Variants in SORCS2 observed in about 807,000 individuals in gnomAD.
SORCS2 encodes VPS10 domain-containing receptor SorCS2.
A neutral mutation model predicts 141.6 loss-of-function variants in SORCS2; 100 were observed. That is an observed-to-expected ratio of 0.71 (90% CI 0.60 to 0.83). The LOEUF (loss-of-function observed/expected upper bound fraction) is 0.83. Among genes scored for constraint, SORCS2 ranks in the 40% least tolerant of loss-of-function variants. The pLI is 0.00. For synonymous variants in SORCS2, 789 were observed against 676.9 expected (o/e 1.17, Z -2.57); for missense variants, 1,646 against 1,560.2 (o/e 1.05, Z -0.93).
chr4:7,523,893 C>A (rs1733499540), intron 2 of SORCS2, among the ~76,000 whole-genome samples: 1 of 152,218 alleles, frequency 6.6e-6, no homozygotes, highest in African/African-American at 2.4e-5. Flanking sequence ...GGCCCCCTCC[C>A]TCCTTGGGCC....
At chr4:7,334,256 T>C (rs1004674629) in intron 1 of SORCS2, among the ~76,000 whole-genome samples, 1 of 152,066 alleles carries the variant, frequency 6.6e-6, no homozygotes, top group Non-Finnish European at 1.5e-5. Context: ...CTGGCCCTGC[T>C]CTCAGCCCCT....
intron 1 of SORCS2, among the ~76,000 whole-genome samples, chr4:7,261,475 T>C (rs1714317613): frequency 6.6e-6 from 1 of 152,228 alleles, no homozygotes; most frequent in Admixed American, 6.5e-5. Flanking sequence ...GCCATGGACA[T>C]TTATTTCTCT....
At chr4:7,724,462 GTGGTGA>G (rs1310957507) in intron 19 of SORCS2, among the ~76,000 whole-genome samples, 44 of 100,610 alleles carry the variant, frequency 4.4e-4, no homozygotes, top group African/African-American at 1.9e-3. Context: ...GGTGATGGTG[GTGGTGA>G]TGGTGATGGT....
chr4:7,693,718 C>T (rs115356406), intron 11 of SORCS2, among the ~76,000 whole-genome samples: 4,330 of 152,370 alleles, frequency 0.028, 101 homozygotes, highest in Middle Eastern at 0.058. Context: ...CACAGCCTGC[C>T]CTGTGCTGCT....
intron 3 of SORCS2, among the ~76,000 whole-genome samples, chr4:7,608,785 G>A (rs1032127119): frequency 1.4e-5 from 2 of 142,596 alleles, no homozygotes; most frequent in African/African-American, 4.9e-5. Context: ...CACACCTTCT[G>A]TTGTCTGTGG....
chr4:7,314,470 GC>G (rs1718425041), intron 1 of SORCS2, among the ~76,000 whole-genome samples: 1 of 151,970 alleles, frequency 6.6e-6, no homozygotes, highest in Non-Finnish European at 1.5e-5. Context: ...CTCCCGAGTA[GC>G]TGGGACTACA....
intron 1 of SORCS2, among the ~76,000 whole-genome samples, chr4:7,266,330 T>G (rs1714726631): frequency 6.6e-6 from 1 of 152,200 alleles, no homozygotes; most frequent in African/African-American, 2.4e-5. Context: ...CGGAGCTTCC[T>G]ACCCGAGCCC....
At chr4:7,600,511 G>A (rs781635274) in intron 3 of SORCS2, among the ~76,000 whole-genome samples, 7 of 152,222 alleles carry the variant, frequency 4.6e-5, no homozygotes, top group Middle Eastern at 3.4e-3. Context: ...CACACCAATC[G>A]GCTCCCAGTC....
At chr4:7,395,950 T>G (rs566491680) in intron 1 of SORCS2, among the ~76,000 whole-genome samples, 1 of 152,228 alleles carries the variant, frequency 6.6e-6, no homozygotes. Flanking sequence ...TAGGGACCAC[T>G]GCCCTGGCAC....
At chr4:7,733,948 C>T (rs1031403547) in intron 24 of SORCS2, among the ~76,000 whole-genome samples, 18 of 152,116 alleles carry the variant, frequency 1.2e-4, no homozygotes, top group South Asian at 2.1e-4. Flanking sequence ...ACATCAGGAG[C>T]GCCGGCCACG....
At chr4:7,691,124 C>A (rs1191805881) in intron 11 of SORCS2, among the ~76,000 whole-genome samples, 1 of 152,186 alleles carries the variant, frequency 6.6e-6, no homozygotes, top group Non-Finnish European at 1.5e-5. Context: ...AGGACCCCTT[C>A]CCTCCATTTC....
chr4:7,519,835 C>T (rs769761615), intron 2 of SORCS2, among the ~76,000 whole-genome samples: 1 of 152,202 alleles, frequency 6.6e-6, no homozygotes, highest in Non-Finnish European at 1.5e-5. Context: ...TTCTGCCGTG[C>T]TAGAGCAGCA....
At chr4:7,627,021 T>G (rs568445723) in intron 3 of SORCS2, among the ~76,000 whole-genome samples, 7 of 152,192 alleles carry the variant, frequency 4.6e-5, no homozygotes, top group Non-Finnish European at 1.0e-4. Context: ...GGTCTGGCTC[T>G]TTCACCCAGG....
chr4:7,425,936 T>G (rs1018988378), intron 2 of SORCS2, among the ~76,000 whole-genome samples: 13 of 152,284 alleles, frequency 8.5e-5, no homozygotes, highest in African/African-American at 3.1e-4. Flanking sequence ...CCTCTTCTGG[T>G]TACAGAAGGG....
chr4:7,328,582 A>G (rs1719433964), intron 1 of SORCS2, among the ~76,000 whole-genome samples: 1 of 152,058 alleles, frequency 6.6e-6, no homozygotes, highest in Non-Finnish European at 1.5e-5. Flanking sequence ...TCATCCATCC[A>G]TTGATTCATG....
At chr4:7,541,534 C>T (rs959976787) in intron 3 of SORCS2, among the ~76,000 whole-genome samples, 6 of 152,234 alleles carry the variant, frequency 3.9e-5, no homozygotes, top group Admixed American at 3.3e-4. Context: ...GAGCCCTGAG[C>T]CAGGCTTGCT....
intron 11 of SORCS2, among the ~76,000 whole-genome samples, chr4:7,694,600 G>GTT (rs1271889507): frequency 6.6e-6 from 1 of 152,250 alleles, no homozygotes; most frequent in Non-Finnish European, 1.5e-5. Flanking sequence ...TGATGCGTGT[G>GTT]TCCCAGAGTG....
chr4:7,479,935 A>G (rs1389015184), intron 2 of SORCS2, among the ~76,000 whole-genome samples: 1 of 152,250 alleles, frequency 6.6e-6, no homozygotes, highest in Non-Finnish European at 1.5e-5. Flanking sequence ...CTCCGGGCTC[A>G]GTGTCCAGCC....
intron 3 of SORCS2, among the ~76,000 whole-genome samples, chr4:7,597,541 T>C (rs1028583481): frequency 7.0e-5 from 10 of 142,592 alleles, no homozygotes; most frequent in Non-Finnish European, 9.1e-5. Flanking sequence ...GGGGGGCTAT[T>C]GCAATAGGGA....
Sources: allele counts gnomAD v4.1 joint callset (sites outside exome capture counted in the v4.1 genomes callset), GRCh38; gene constraint gnomAD v4.1.1; transcripts MANE v1.5; gene names NCBI Gene and HGNC (gene_info 2026-07-23, HGNC 2026-07-21).